The following FHIT variants were observed in gnomAD, a reference collection of about 807,000 sequenced individuals.
The protein encoded by FHIT is bis(5'-adenosyl)-triphosphatase.
FHIT carries 19 observed loss-of-function variants against 17.9 expected under a neutral mutation model. The observed-to-expected ratio is 1.06, with a 90% CI of 0.74 to 1.56. The LOEUF is 1.56. Among genes scored for constraint, FHIT ranks in the 40% most tolerant of loss-of-function variants. The pLI is 0.00. For missense variants in FHIT, 248 were observed against 189.2 expected (o/e 1.31, Z -1.82); for synonymous variants, 81 against 69.7 (o/e 1.16, Z -0.81).
chr3:61,113,865 C>T (rs577542418), intron 2 of FHIT, among the ~76,000 whole-genome samples: 1 of 152,310 alleles, frequency 6.6e-6, no homozygotes, highest in South Asian at 2.1e-4. Flanking sequence ...CATTTGAATT[C>T]AGACTCCAAA....
Position 61,219,327 on chromosome 3 carries a change from ATGTGTGTGTGTGTG to A in FHIT, c.-212-18676_-212-18663del, listed in dbSNP as rs72023729. ...TGTACATCTTTGTGTAAATCTAAAAATGTGTGTGTGTGTGTGTGTGTGTGTGTGTGTGTGTGTTT... is the reference window on the plus strand; with the variant it reads ...TGTACATCTTTGTGTAAATCTAAAAATGTGTGTGTGTGTGTGTGTGTGTTT... On this transcript the variant is annotated intron_variant, in intron 1 of 9. Transcript: ENST00000492590. Among the ~76,000 whole-genome samples, 123 of 146,998 alleles carry A rather than the reference ATGTGTGTGTGTGTG, an allele frequency of 8.4e-4. 1 individual carries two copies. The South Asian group carries it at 8.9e-3, about 11-fold the overall frequency.
intron 4 of FHIT, among the ~76,000 whole-genome samples, chr3:60,667,055 G>C (rs1415178352): frequency 1.1e-5 from 1 of 93,752 alleles, no homozygotes; most frequent in Non-Finnish European, 1.9e-5. Context: ...TTTTTTGGTA[G>C]AGACAGGGTT....
At chr3:61,040,828 G>A (rs188886818) in intron 3 of FHIT, among the ~76,000 whole-genome samples, 63 of 152,210 alleles carry the variant, frequency 4.1e-4, no homozygotes, top group South Asian at 2.1e-3. Context: ...TTATTCCCCC[G>A]ATGGAAACTC....
chr3:59,836,355 G>C (rs1257946524), intron 8 of FHIT, among the ~76,000 whole-genome samples: 32 of 152,246 alleles, frequency 2.1e-4, no homozygotes, highest in Non-Finnish European at 1.5e-5. Context: ...GCTGAGAGCT[G>C]GTTTGACACA....
intron 3 of FHIT, among the ~76,000 whole-genome samples, chr3:60,961,518 G>C (rs932987848): frequency 3.9e-5 from 6 of 152,158 alleles, no homozygotes; most frequent in Admixed American, 2.0e-4. Flanking sequence ...CCTATATCCT[G>C]AATGGTATTG....
chr3:60,357,444 T>G (rs572669320), intron 5 of FHIT, among the ~76,000 whole-genome samples: 1 of 152,152 alleles, frequency 6.6e-6, no homozygotes, highest in African/African-American at 2.4e-5. Context: ...AGGGTTTCGC[T>G]ATGTTGGTCA....
intron 5 of FHIT, among the ~76,000 whole-genome samples, chr3:60,261,358 G>A (rs1706289334): frequency 6.6e-6 from 1 of 151,890 alleles, no homozygotes; most frequent in African/African-American, 2.4e-5. Context: ...ACCTAAGATG[G>A]TACCAATCGC....
At chr3:60,514,981 C>G (rs2035096288) in intron 5 of FHIT, among the ~76,000 whole-genome samples, 1 of 151,406 alleles carries the variant, frequency 6.6e-6, no homozygotes, top group Non-Finnish European at 1.5e-5. Context: ...GCAGAGGCCA[C>G]CTTACTAGAT....
At chr3:60,147,837 G>A (rs1700306650) in intron 5 of FHIT, among the ~76,000 whole-genome samples, 1 of 152,066 alleles carries the variant, frequency 6.6e-6, no homozygotes, top group African/African-American at 2.4e-5. Context: ...ACGACCTCGG[G>A]GAAACAAGTC....
chr3:61,152,944 C>A (rs1392622051), intron 2 of FHIT, among the ~76,000 whole-genome samples: 1 of 152,020 alleles, frequency 6.6e-6, no homozygotes, highest in Non-Finnish European at 1.5e-5. Flanking sequence ...GAGATCGAGA[C>A]CATCCTGGCT....
At chr3:60,833,721 A>G (rs1324685470) in intron 3 of FHIT, among the ~76,000 whole-genome samples, 2 of 152,196 alleles carry the variant, frequency 1.3e-5, no homozygotes, top group Non-Finnish European at 2.9e-5. Flanking sequence ...ATTGACAATG[A>G]CACATTCAAA....
intron 1 of FHIT, among the ~76,000 whole-genome samples, chr3:61,220,607 C>T (rs1171804907): frequency 6.6e-6 from 1 of 152,146 alleles, no homozygotes; most frequent in Non-Finnish European, 1.5e-5. Context: ...GAAAGTCTTT[C>T]TATTTGACCA....
intron 4 of FHIT, among the ~76,000 whole-genome samples, chr3:60,556,559 C>T (rs868040507): frequency 2.6e-5 from 4 of 152,194 alleles, no homozygotes; most frequent in Non-Finnish European, 4.4e-5. Context: ...GTACAGTAGA[C>T]CTGGAGGAAA....
intron 5 of FHIT, among the ~76,000 whole-genome samples, chr3:60,143,060 G>A (rs532406525): frequency 6.6e-6 from 1 of 152,232 alleles, no homozygotes; most frequent in African/African-American, 2.4e-5. Flanking sequence ...TGGGTCTGCG[G>A]CACAATTTTC....
At position 60,732,684 on chromosome 3, in the gene FHIT, C is replaced by T. The variant is rs2042055492; in HGVS notation, c.-18+89235G>A. The T allele has an allele frequency of 1.1e-3, 196 of 178,508 alleles. 3 individuals are homozygous for T. Among genetic ancestry groups the T allele is most frequent in the Middle Eastern group, 2.1e-3 (1 of 478 alleles). 11.1% of individuals were successfully genotyped at this position (178,508 alleles called of 1,614,324 possible). A position where few individuals can be genotyped will look rare whatever the true frequency, so the allele number is the denominator to read the frequency against. ...GCAGTGGCAGCGTCTGCAAAGACTG[C>T]TTTTTTTTTTTTTTTTTTTTTTGAC... is the stretch of plus-strand genomic sequence containing the variant. On this transcript the variant is annotated intron_variant, in intron 4 of 9. Coordinates refer to ENST00000492590, the MANE Select transcript of FHIT (RefSeq NM_002012.4).
intron 5 of FHIT, among the ~76,000 whole-genome samples, chr3:60,483,749 T>G (rs554700093): frequency 6.6e-6 from 1 of 152,124 alleles, no homozygotes; most frequent in African/African-American, 2.4e-5. Flanking sequence ...CCTGGAAGCA[T>G]TCTCTTTAAA....
chr3:59,930,813 G>C (rs1705934072), intron 7 of FHIT, among the ~76,000 whole-genome samples: 1 of 152,104 alleles, frequency 6.6e-6, no homozygotes, highest in African/African-American at 2.4e-5. Flanking sequence ...GCAATGGCAG[G>C]GCTGGGACTG....
At chr3:61,207,586 G>C (rs941026306) in intron 1 of FHIT, among the ~76,000 whole-genome samples, 2 of 152,090 alleles carry the variant, frequency 1.3e-5, no homozygotes, top group Non-Finnish European at 2.9e-5. Context: ...AATTCTTCTA[G>C]ATTTTCTAGT....
rs73830677 is a variant in FHIT, at chr3:60,070,191, C to T, written c.104-56039G>A. ...AACTCACCCTCAAGAACTGACTCAC[C>T]AGGTAGGTGAGTATCTGACAGTCAT... On this transcript the variant is annotated intron_variant, in intron 5 of 9. Transcript: ENST00000492590. Among the ~76,000 whole-genome samples, 1,068 of 152,240 alleles carry T rather than the reference C, an allele frequency of 7.0e-3. 14 individuals carry two copies. The highest frequency in any genetic ancestry group is 0.024 in the African/African-American group (1,016 of 41,536).
Sources: allele counts gnomAD v4.1 joint callset (sites outside exome capture counted in the v4.1 genomes callset), GRCh38; gene constraint gnomAD v4.1.1; transcripts MANE v1.5; gene names NCBI Gene and HGNC (gene_info 2026-07-23, HGNC 2026-07-21).